SLC12A8: variants seen among roughly 807,000 people sequenced by gnomAD.
SLC12A8 encodes the protein cation-chloride cotransporter 9.
A neutral mutation model predicts 75.6 loss-of-function variants in SLC12A8; 69 were observed. The observed-to-expected ratio is 0.91, with a 90% CI of 0.75 to 1.11. SLC12A8 has a LOEUF of 1.11. SLC12A8 is among the 50% of genes most tolerant of loss of function. The probability of loss-of-function intolerance (pLI) is 0.00; values close to 1 mark genes in which losing one functional copy is unlikely to be tolerated. For synonymous variants in SLC12A8, 365 were observed against 372.8 expected (o/e 0.98, Z 0.24); for missense variants, 877 against 896.7 (o/e 0.98, Z 0.28).
chr3:125,187,011 A>C (rs1934799598), intron 4 of SLC12A8, among the ~76,000 whole-genome samples: 1 of 152,244 alleles, frequency 6.6e-6, no homozygotes, highest in Admixed American at 6.5e-5. Context: ...CACATCAGGC[A>C]TCCAGGAGGC....
intron 6 of SLC12A8, among the ~76,000 whole-genome samples, chr3:125,132,713 A>C (rs1233856439): frequency 6.6e-6 from 1 of 152,184 alleles, no homozygotes; most frequent in African/African-American, 2.4e-5. Context: ...TTGGAAGAGA[A>C]GTCTGGGCTG....
At chr3:125,124,034 C>T (rs538013582) in intron 6 of SLC12A8, among the ~76,000 whole-genome samples, 1 of 152,286 alleles carries the variant, frequency 6.6e-6, no homozygotes, top group East Asian at 1.9e-4. Context: ...TTTACTCCTC[C>T]CCCAGGTTCT....
chr3:125,124,104 G>C (rs1933134111), intron 6 of SLC12A8, among the ~76,000 whole-genome samples: 1 of 152,168 alleles, frequency 6.6e-6, no homozygotes, highest in South Asian at 2.1e-4. Context: ...AGAAAGGACT[G>C]ACCGTGACAC....
chr3:125,173,853 G>A (rs1439830375), intron 5 of SLC12A8, among the ~76,000 whole-genome samples: 1 of 152,244 alleles, frequency 6.6e-6, no homozygotes, highest in Admixed American at 6.5e-5. Flanking sequence ...CACTTTGGGA[G>A]GCTGAGGCGG....
intron 2 of SLC12A8, among the ~76,000 whole-genome samples, chr3:125,195,240 G>T (rs1485768502): frequency 6.6e-6 from 1 of 152,248 alleles, no homozygotes; most frequent in Non-Finnish European, 1.5e-5. Flanking sequence ...TTGCTCTACA[G>T]CTCAGCCCTG....
intron 5 of SLC12A8, among the ~76,000 whole-genome samples, chr3:125,147,711 A>G (rs1308783086): frequency 1.3e-5 from 2 of 152,148 alleles, no homozygotes; most frequent in Non-Finnish European, 2.9e-5. Flanking sequence ...GGAGAGCAAG[A>G]GGAGGAGAAA....
chr3:125,140,955 T>C (rs1285969303), intron 5 of SLC12A8, among the ~76,000 whole-genome samples: 1 of 152,126 alleles, frequency 6.6e-6, no homozygotes, highest in Non-Finnish European at 1.5e-5. Flanking sequence ...GGGCTTTCAA[T>C]TCCTCTGCTG....
chr3:125,123,372 A>G (rs1264219673), intron 6 of SLC12A8, among the ~76,000 whole-genome samples: 16 of 3,914 alleles, frequency 4.1e-3, no homozygotes, highest in African/African-American at 0.025. Flanking sequence ...CCATCTCAGG[A>G]AAAAAAAAAA....
chr3:125,180,254 G>A (rs1389977066), intron 4 of SLC12A8, among the ~76,000 whole-genome samples: 2 of 152,172 alleles, frequency 1.3e-5, no homozygotes, highest in Non-Finnish European at 2.9e-5. Context: ...CATGAATTGC[G>A]AAGCCAAAAT....
At chr3:125,093,711 T>G (rs1020469924) in intron 10 of SLC12A8, among the ~76,000 whole-genome samples, 8 of 152,232 alleles carry the variant, frequency 5.3e-5, no homozygotes, top group Non-Finnish European at 5.9e-5. Context: ...ATATGCTTCA[T>G]GGGGGCAGGG....
At chr3:125,190,332 C>G (rs780449790) in intron 3 of SLC12A8, 43 bp downstream of exon 3, 2 of 1,608,204 alleles carry the variant, frequency 1.2e-6, no homozygotes, top group East Asian at 4.5e-5. Context: ...GCTTTCCTGT[C>G]TTGGGCCCGT....
chr3:125,096,670 G>C (rs628716), intron 10 of SLC12A8, among the ~76,000 whole-genome samples: 71,336 of 152,028 alleles, frequency 0.47, 17,460 homozygotes, highest in South Asian at 0.67. Flanking sequence ...TTAGAAGTTT[G>C]TGTATAGGAA....
At chr3:125,141,696 G>A (rs75624799) in intron 5 of SLC12A8, among the ~76,000 whole-genome samples, 44,276 of 149,444 alleles carry the variant, frequency 0.3, 6,749 homozygotes, top group Middle Eastern at 0.38. Flanking sequence ...CGGGCTGCGG[G>A]CTGCGGGCTG....
At chr3:125,175,546 G>A (rs1455488434) in intron 5 of SLC12A8, among the ~76,000 whole-genome samples, 1 of 152,174 alleles carries the variant, frequency 6.6e-6, no homozygotes, top group Non-Finnish European at 1.5e-5. Context: ...AAATACATCA[G>A]GCTAGTGTGA....
intron 7 of SLC12A8, 57 bp from the exon 8 acceptor site, chr3:125,118,913 C>A (rs2107749643): frequency 8.6e-7 from 1 of 1,162,556 alleles, no homozygotes; most frequent in Non-Finnish European, 1.3e-6. Flanking sequence ...CCAGCCCCAT[C>A]CAATTCCCTC....
intron 3 of SLC12A8, 96 bp from the exon 4 acceptor site, chr3:125,187,524 A>G (rs1934818742): frequency 2.6e-6 from 3 of 1,145,922 alleles, no homozygotes; most frequent in Non-Finnish European, 3.8e-6. Context: ...CTCCCACAGC[A>G]CTGGAATAGG....
At position 125,107,885 on chromosome 3, in the gene SLC12A8, A is replaced by G. The variant is rs1293271044; in HGVS notation, c.1301T>C (p.Leu434Pro). ...AEGLHCSEHL[L>P]LEKAPSYGSE... The stretch of plus-strand genomic sequence containing the variant: ...GCCGTAACTGGGAGCTTTCTCTAAG[A>G]GCAGGTGCTCAGAGCAGTGGAGGCC... Residue 434 changes from leucine (L) to proline (P), a missense_variant, in exon 10 of 14, where the codon CTC becomes CCC. By Grantham distance (98) the Leu-to-Pro change is moderately conservative. Transcript: ENST00000469902. 3.1e-6 allele frequency: 5 copies of G among 1,614,146 alleles called. No individual in the cohort carries two copies.
intron 2 of SLC12A8, among the ~76,000 whole-genome samples, chr3:125,199,365 G>A (rs1935076006): frequency 6.6e-6 from 1 of 152,122 alleles, no homozygotes; most frequent in African/African-American, 2.4e-5. Flanking sequence ...TTTTCTGTAA[G>A]TGTAAAATTT....
intron 8 of SLC12A8, among the ~76,000 whole-genome samples, chr3:125,114,818 GC>G (rs1389506737): frequency 6.6e-6 from 1 of 152,106 alleles, no homozygotes; most frequent in East Asian, 1.9e-4. Flanking sequence ...AAGGTATTTG[GC>G]CTTTTTTATT....
Sources: allele counts gnomAD v4.1 joint callset (sites outside exome capture counted in the v4.1 genomes callset), GRCh38; gene constraint gnomAD v4.1.1; transcripts MANE v1.5; gene names NCBI Gene and HGNC (gene_info 2026-07-23, HGNC 2026-07-21).